Variants in ARHGAP23 observed in about 807,000 individuals in gnomAD.
ARHGAP23 encodes rho GTPase-activating protein 23.
A neutral mutation model predicts 136.3 loss-of-function variants in ARHGAP23; 34 were observed. The observed-to-expected ratio is 0.25, with a 90% CI of 0.19 to 0.33. The LOEUF (loss-of-function observed/expected upper bound fraction) is 0.33. Among genes scored for constraint, ARHGAP23 ranks in the 10% least tolerant of loss-of-function variants. ARHGAP23 has a pLI of 1.00. For missense variants in ARHGAP23, 1,808 were observed against 2,139.0 expected (o/e 0.85, Z 3.05); for synonymous variants, 832 against 920.5 (o/e 0.90, Z 1.74).
At chr17:38,485,407 G>C (rs748185643) in intron 16 of ARHGAP23, among the ~76,000 whole-genome samples, 2 of 152,176 alleles carry the variant, frequency 1.3e-5, no homozygotes, top group Non-Finnish European at 2.9e-5. Flanking sequence ...GAGCACAGTG[G>C]GAAATGAGAC....
At chr17:38,460,583 G>A (rs563497318) in intron 2 of ARHGAP23, among the ~76,000 whole-genome samples, 154 of 152,236 alleles carry the variant, frequency 1.0e-3, no homozygotes, top group African/African-American at 3.4e-3. Context: ...GTGACTGCCC[G>A]CGTCTTCTGT....
chr17:38,466,746 T>G lies in ARHGAP23; in HGVS notation c.1063T>G (p.Leu355Val). 6.5e-7 allele frequency: 1 copy of G among 1,547,882 alleles called. No homozygotes were observed. Among genetic ancestry groups the G allele is most frequent in the Non-Finnish European group, 8.7e-7 (1 of 1,145,634 alleles). Reference sequence around the variant, plus strand: ...GCACCGAGCTCGCTCAGATGACTACTTGAGCCGGGCCACCCGTTCTGCCGA... The same window carrying G: ...GCACCGAGCTCGCTCAGATGACTACGTGAGCCGGGCCACCCGTTCTGCCGA... Reference protein sequence around the residue: ...GWHRARSDDYLSRATRSAEAL... With the variant: ...GWHRARSDDYVSRATRSAEAL... Residue 355 changes from leucine (L) to valine (V), a missense_variant, in exon 7 of 24, where the codon TTG becomes GTG. Leu to Val is a conservative substitution (Grantham distance 32, BLOSUM62 1). Coordinates refer to ENST00000622683, the MANE Select transcript of ARHGAP23 (RefSeq NM_001199417.2).
intron 1 of ARHGAP23, among the ~76,000 whole-genome samples, chr17:38,438,562 C>CAT (rs1359036294): frequency 1.3e-5 from 2 of 152,096 alleles, no homozygotes; most frequent in African/African-American, 2.4e-5. Context: ...TCCCTCATGC[C>CAT]ATACTGAGGA....
chr17:38,493,492 A>G (rs1310711884), intron 20 of ARHGAP23, among the ~76,000 whole-genome samples: 4 of 152,196 alleles, frequency 2.6e-5, no homozygotes, highest in Admixed American at 2.6e-4. Flanking sequence ...ACGCCCAGCC[A>G]GGCTGGGCTT....
At chr17:38,458,911 T>A (rs2039394452) in intron 2 of ARHGAP23, among the ~76,000 whole-genome samples, 1 of 152,208 alleles carries the variant, frequency 6.6e-6, no homozygotes, top group Non-Finnish European at 1.5e-5. Context: ...ACTTGACCCC[T>A]CAGAGTCCCT....
chr17:38,441,870 C>A (rs986328819), intron 1 of ARHGAP23, among the ~76,000 whole-genome samples: 1 of 152,094 alleles, frequency 6.6e-6, no homozygotes, highest in Admixed American at 6.5e-5. Context: ...GAGGAGGGCT[C>A]GTGGCTGGAG....
rs1385701934 is a variant in ARHGAP23, at chr17:38,496,966, A to G, written c.3277-819A>G. Among the ~76,000 whole-genome samples the G allele has an allele frequency of 7.0e-5, 10 of 143,678 alleles. No homozygotes were observed. The Admixed American group carries it at 7.0e-4, about 10-fold the overall frequency. 94.3% of individuals were successfully genotyped at this position (143,678 alleles called of 152,430 possible). On this transcript the variant is annotated intron_variant, in intron 20 of 23. Transcript: ENST00000622683. ...AGATTCTGTTGGAAAAAAAAAAAAA[A>G]GAATAGCTTTATTTTACACTCAGAT...
chr17:38,464,918 C>T (rs1005404756), intron 6 of ARHGAP23, among the ~76,000 whole-genome samples: 1 of 152,164 alleles, frequency 6.6e-6, no homozygotes, highest in Admixed American at 6.5e-5. Flanking sequence ...CAGCTGCTGA[C>T]GCCACCACCG....
intron 16 of ARHGAP23, among the ~76,000 whole-genome samples, chr17:38,483,087 G>A (rs1174875788): frequency 6.6e-6 from 1 of 152,188 alleles, no homozygotes; most frequent in African/African-American, 2.4e-5. Flanking sequence ...AGAAGGCAGA[G>A]GGTAAATATT....
upstream of ARHGAP23, among the ~76,000 whole-genome samples, chr17:38,424,426 T>C (rs2038550377): frequency 6.6e-6 from 1 of 152,120 alleles, no homozygotes. Flanking sequence ...CCCTCCTCCC[T>C]GCACAGTCTG....
upstream of ARHGAP23, among the ~76,000 whole-genome samples, chr17:38,424,699 C>T (rs2038552826): frequency 6.6e-6 from 1 of 152,208 alleles, no homozygotes. Context: ...ACCAGCCTCA[C>T]AGCCTGCGGG....
At chr17:38,475,519 G>T (rs377015237) in intron 11 of ARHGAP23, among the ~76,000 whole-genome samples, 1 of 152,204 alleles carries the variant, frequency 6.6e-6, no homozygotes, top group African/African-American at 2.4e-5. Context: ...GGATCCACAC[G>T]ATGGGAGGCC....
rs1489048178 is a variant in ARHGAP23, at chr17:38,467,111, G to T, written c.1428G>T (p.Arg476=). ...TTGTACGGCCGGAACCCAGCACCCG[G>T]GCCCTGGAGCCTCCTGCGGAGGATC... ...PRVVRPEPST[R]ALEPPAEDRG... Residue 476 remains arginine, a synonymous_variant, in exon 7 of 24, where the codon CGG becomes CGT. Transcript: ENST00000622683. The T allele has an allele frequency of 1.9e-6, 3 of 1,550,370 alleles. No homozygotes were observed. The South Asian group carries it at 3.6e-5, about 18-fold the overall frequency.
chr17:38,432,015 AG>A (rs2038696199), intron 1 of ARHGAP23, among the ~76,000 whole-genome samples: 1 of 152,184 alleles, frequency 6.6e-6, no homozygotes, highest in South Asian at 2.1e-4. Flanking sequence ...GGCACAGAGC[AG>A]TTCTCCATAA....
At chr17:38,445,993 A>G (rs1253391631) in intron 1 of ARHGAP23, among the ~76,000 whole-genome samples, 1 of 148,822 alleles carries the variant, frequency 6.7e-6, no homozygotes, top group Non-Finnish European at 1.5e-5. Context: ...AGGTTCATCC[A>G]CATTGTAGCA....
rs964207041 is a variant in ARHGAP23 at position 38,463,124 on chromosome 17, G to A, written c.356G>A (p.Arg119Gln). 13 of 1,551,362 alleles carry A rather than the reference G, an allele frequency of 8.4e-6. No homozygotes were observed. The highest frequency in any genetic ancestry group is 3.6e-5 in the South Asian group (3 of 84,018). Residue 119 changes from arginine to glutamine, a missense_variant, in exon 5 of 24, where the codon CGG (arginine) becomes CAG (glutamine). Around this residue, in one of 7 missense-constraint regions of ARHGAP23, gnomAD observed 859 missense variants for 936.4 expected, o/e 0.92. Coordinates refer to ENST00000622683, the MANE Select transcript of ARHGAP23 (RefSeq NM_001199417.2). ...ATGCGCTCCTTGTCCCCAGGAGACC[G>A]GCTGGTAAAGGTGAATGGGGAAAGC... ...AHRAGLRTGD[R>Q]LVKVNGESVI...
rs1295184312 is a variant in ARHGAP23 at position 38,466,639 on chromosome 17, G to A, written c.956G>A (p.Arg319Gln). The A allele has an allele frequency of 1.2e-5, 18 of 1,519,438 alleles. No homozygotes were observed. The highest frequency in any genetic ancestry group is 4.1e-5 in the Admixed American group (2 of 48,936). 94.1% of individuals were successfully genotyped at this position (1,519,438 alleles called of 1,614,324 possible). Residue 319 changes from arginine (R) to glutamine (Q), a missense_variant, in exon 7 of 24, where the codon CGG becomes CAG. Transcript: ENST00000622683. ...APRARSASQD[R>Q]LEEVAAPRPW... ...CGGGCCCGCAGCGCCTCCCAGGACC[G>A]GTTGGAGGAGGTGGCTGCCCCCCGC...
At position 38,479,491 on chromosome 17, in the gene ARHGAP23, A is replaced by C; in HGVS notation, c.2492A>C (p.Lys831Thr). Residue 831 changes from lysine to threonine, a missense_variant, in exon 13 of 24, where the codon AAA (lysine) becomes ACA (threonine). Lys to Thr is a moderately conservative substitution (Grantham distance 78). Around this residue, in one of 7 missense-constraint regions of ARHGAP23, gnomAD observed 139 missense variants for 264.3 expected, o/e 0.53. Transcript: ENST00000622683. ...AGCAAGAAGCTTAACGATTATCGCA[A>C]AGTGAGGTGAGGCCCAGCCCTCGTG... ...LISKKLNDYR[K>T]VSHSSGPKAD... The C allele has an allele frequency of 6.5e-7, 1 of 1,548,106 alleles. No homozygotes were observed. Among genetic ancestry groups the C allele is most frequent in the Non-Finnish European group, 8.7e-7 (1 of 1,145,512 alleles).
At chr17:38,487,003 G>A (rs538818295) in intron 17 of ARHGAP23, among the ~76,000 whole-genome samples, 1 of 152,252 alleles carries the variant, frequency 6.6e-6, no homozygotes, top group South Asian at 2.1e-4. Flanking sequence ...GTCTCTGGGG[G>A]AAAAAAGCCC....
Sources: gnomAD v4.1 joint callset for allele counts (sites outside exome capture counted in the v4.1 genomes callset) on GRCh38, gnomAD v4.1.1 for gene constraint, gnomAD v4.1.1 regional missense constraint, MANE v1.5 for transcripts, NCBI Gene and HGNC (gene_info 2026-07-23, HGNC 2026-07-21) for gene names.